The following ELFN1 variants were observed in gnomAD, a reference collection of about 807,000 sequenced individuals.
ELFN1 encodes the protein extracellular leucine rich repeat and fibronectin type III domain containing 1.
In ELFN1, 6 loss-of-function variants were observed where a neutral mutation model predicts 7.6. That is an observed-to-expected ratio of 0.79 (90% CI 0.43 to 1.56). ELFN1 has a LOEUF of 1.56. Among genes scored for constraint, ELFN1 ranks in the 40% most tolerant of loss-of-function variants. The probability of loss-of-function intolerance (pLI) is 0.01; values close to 1 mark genes in which losing one functional copy is unlikely to be tolerated. For synonymous variants in ELFN1, 657 were observed against 588.1 expected, an observed-to-expected ratio of 1.12 and a Z score of -1.70; for missense variants, 1,169 against 1,232.2, an observed-to-expected ratio of 0.95 and a Z score of 0.77.
At chr7:1,741,190 T>C (rs186525796) in intron 3 of ELFN1, among the ~76,000 whole-genome samples, 1 of 148,858 alleles carries the variant, frequency 6.7e-6, no homozygotes, top group Non-Finnish European at 1.5e-5. Flanking sequence ...CTGGGGGCCA[T>C]AGAGGGGGCA....
upstream of ELFN1, among the ~76,000 whole-genome samples, chr7:1,668,229 A>T (rs188155592): frequency 4.2e-3 from 640 of 152,362 alleles, 5 homozygotes; most frequent in African/African-American, 0.015. Context: ...GGGCGCTCTG[A>T]AGAGGCCCTC....
In ELFN1 at chr7:1,734,387, GC is replaced by G. The variant is rs1780390734; in HGVS notation, c.-293-9913del. Among the ~76,000 whole-genome samples the G allele has an allele frequency of 2.6e-5, 4 of 152,332 alleles. No individual in the cohort carries two copies. The South Asian group carries it at 8.3e-4, about 32-fold the overall frequency. On this transcript the variant is annotated intron_variant, in intron 3 of 3. Transcript: ENST00000424383. ...CATCATGTTTTTTAATTTAAAAGAT[GC>G]CCCGTGGAAGCATAACAGACCATTA...
rs1005237024 is a variant in ELFN1 at position 1,746,136 on chromosome 7, A to G, written c.1540A>G (p.Ser514Gly). 7 of 1,547,672 alleles carry G rather than the reference A, an allele frequency of 4.5e-6. No homozygotes were observed. The highest frequency in any genetic ancestry group is 2.0e-5 in the Admixed American group (1 of 50,864). ...GEVEQYKLVE[S>G]ADTPKASKGS... ...GGTGGAGCAGTACAAGCTGGTGGAGAGCGCGGACACCCCCAAGGCCAGCAA... is the reference window on the plus strand; with the variant it reads ...GGTGGAGCAGTACAAGCTGGTGGAGGGCGCGGACACCCCCAAGGCCAGCAA... The change falls in exon 4 of 4, where the codon AGC becomes GGC. Residue 514 changes from serine to glycine, a missense_variant. Coordinates refer to ENST00000424383, the MANE Select transcript of ELFN1 (RefSeq NM_001128636.4).
intron 3 of ELFN1, among the ~76,000 whole-genome samples, chr7:1,715,835 G>A (rs1412659133): frequency 6.6e-6 from 1 of 152,162 alleles, no homozygotes; most frequent in African/African-American, 2.4e-5. Flanking sequence ...GGCTGCCTCC[G>A]GCCCCAGTTT....
upstream of ELFN1, among the ~76,000 whole-genome samples, chr7:1,669,134 CCGGTCCATACAGGACTGAA>C (rs1257428681): frequency 6.6e-6 from 1 of 152,252 alleles, no homozygotes; most frequent in Non-Finnish European, 1.5e-5. Context: ...CCGGGCTAGG[CCGGTCCATACAGGACTGAA>C]CGGCGTCGTG....
intron 3 of ELFN1, among the ~76,000 whole-genome samples, chr7:1,743,839 G>A (rs963334110): frequency 3.9e-5 from 6 of 152,122 alleles, no homozygotes; most frequent in Non-Finnish European, 5.9e-5. Context: ...GCCTTCACAC[G>A]CACATCCCTG....
chr7:1,671,011 C>A (rs1414878911), intron 1 of ELFN1, among the ~76,000 whole-genome samples: 1 of 152,204 alleles, frequency 6.6e-6, no homozygotes, highest in Non-Finnish European at 1.5e-5. Flanking sequence ...AGTCCATCCT[C>A]GTCCTCGTCC....
intron 3 of ELFN1, among the ~76,000 whole-genome samples, chr7:1,709,453 G>T (rs557075216): frequency 8.5e-5 from 13 of 152,218 alleles, no homozygotes; most frequent in Non-Finnish European, 1.9e-4. Context: ...GACAGAGGCC[G>T]CAGGGGTGGC....
intron 3 of ELFN1, among the ~76,000 whole-genome samples, chr7:1,734,857 C>A (rs1158490981): frequency 6.6e-6 from 1 of 152,076 alleles, no homozygotes; most frequent in African/African-American, 2.4e-5. Flanking sequence ...GCCACCACAC[C>A]CGGCAAATTT....
In ELFN1 at chr7:1,744,431, C is replaced by T; in HGVS notation, c.-166C>T. 1 of 769,082 alleles carries T rather than the reference C, an allele frequency of 1.3e-6. No homozygotes were observed. The allele number at this position is 769,082 out of a possible 1,614,324, so 47.6% of individuals were successfully genotyped here. A position where few individuals can be genotyped will look rare whatever the true frequency, so the allele number is the denominator to read the frequency against. On this transcript the variant is annotated 5_prime_UTR_variant, in exon 4 of 4. Transcript: ENST00000424383. Reference sequence around the variant, plus strand: ...CGGCCGGCCGTGAGGGAGGCGCCCTCCCTCCCCGCGCTTACGTCGCGCGGC... The same window carrying T: ...CGGCCGGCCGTGAGGGAGGCGCCCTTCCTCCCCGCGCTTACGTCGCGCGGC...
chr7:1,697,711 T>C (rs1779347783), intron 2 of ELFN1, among the ~76,000 whole-genome samples: 1 of 152,228 alleles, frequency 6.6e-6, no homozygotes, highest in South Asian at 2.1e-4. Flanking sequence ...TCTCTGTTTT[T>C]CACCCTGATC....
chr7:1,667,040 C>T (rs1192059363), upstream of ELFN1, among the ~76,000 whole-genome samples: 1 of 151,614 alleles, frequency 6.6e-6, no homozygotes, highest in Non-Finnish European at 1.5e-5. The surrounding 1 kb of genome is among the most constrained non-coding windows in gnomAD (Gnocchi z 8.2). Flanking sequence ...AGAGCGGACC[C>T]CCAGCTCTCC....
intron 3 of ELFN1, among the ~76,000 whole-genome samples, chr7:1,727,820 C>G (rs1353926766): frequency 6.6e-6 from 1 of 152,108 alleles, no homozygotes; most frequent in East Asian, 1.9e-4. Context: ...GTTGCCCAGT[C>G]GGATCTTGAA....
intron 3 of ELFN1, among the ~76,000 whole-genome samples, chr7:1,742,553 G>A (rs530898209): frequency 1.6e-4 from 25 of 152,334 alleles, no homozygotes; most frequent in Admixed American, 5.9e-4. Flanking sequence ...GCTGACTCCC[G>A]TGATGGTGGA....
intron 3 of ELFN1, among the ~76,000 whole-genome samples, chr7:1,714,508 A>G (rs1326917802): frequency 1.3e-5 from 2 of 152,250 alleles, no homozygotes; most frequent in Non-Finnish European, 2.9e-5. Context: ...CAAATGGAAA[A>G]CAAGCCTCTC....
intron 1 of ELFN1, among the ~76,000 whole-genome samples, chr7:1,681,926 C>T (rs937398932): frequency 6.6e-6 from 1 of 152,022 alleles, no homozygotes; most frequent in Admixed American, 6.6e-5. Context: ...AATCTCTTGC[C>T]CATATTTAAT....
intron 2 of ELFN1, among the ~76,000 whole-genome samples, chr7:1,696,266 G>C (rs185228020): frequency 2.7e-3 from 409 of 151,538 alleles, no homozygotes; most frequent in African/African-American, 9.4e-3. Context: ...GTGAGAGGGA[G>C]AGAAAGAGAT....
upstream of ELFN1, among the ~76,000 whole-genome samples, chr7:1,668,437 A>G (rs918925251): frequency 2.0e-5 from 3 of 152,206 alleles, no homozygotes; most frequent in African/African-American, 7.2e-5. Flanking sequence ...CCTGCTGGAA[A>G]TGGGGATCCA....
chr7:1,674,934 T>C (rs1778838909), intron 1 of ELFN1, among the ~76,000 whole-genome samples: 2 of 131,532 alleles, frequency 1.5e-5, no homozygotes, highest in South Asian at 4.8e-4. Context: ...ATTTTAAAGA[T>C]AGGGACACTG....
Sources: gnomAD v4.1 joint callset for allele counts (sites outside exome capture counted in the v4.1 genomes callset) on GRCh38, gnomAD v4.1.1 for gene constraint, Gnocchi (gnomAD v3.1) non-coding constraint, MANE v1.5 for transcripts, NCBI Gene and HGNC (gene_info 2026-07-23, HGNC 2026-07-21) for gene names.